CHD9: variants seen among roughly 807,000 people sequenced by gnomAD.
CHD9 encodes chromodomain helicase DNA binding protein 9, also known as ATP-dependent chromatin remodeler CHD9.
A neutral mutation model predicts 316.1 loss-of-function variants in CHD9; 77 were observed. The observed-to-expected ratio is 0.24, with a 90% CI of 0.20 to 0.29. The LOEUF (loss-of-function observed/expected upper bound fraction) is 0.29, where lower values mean the gene tolerates loss of function less well. CHD9 is among the 10% of genes least tolerant of loss of function. The pLI is 1.00. For missense variants in CHD9, 2,763 were observed against 3,438.1 expected, an observed-to-expected ratio of 0.80 and a Z score of 4.91; for synonymous variants, 1,129 against 1,158.3, an observed-to-expected ratio of 0.97 and a Z score of 0.51.
intron 1 of CHD9, among the ~76,000 whole-genome samples, chr16:53,153,479 C>G (rs1171486897): frequency 6.6e-6 from 1 of 152,120 alleles, no homozygotes; most frequent in Non-Finnish European, 1.5e-5. Context: ...CATTTTCCAA[C>G]TTAAATGTAA....
intron 35 of CHD9, 73 bp from the exon 36 acceptor site, chr16:53,314,750 T>C: frequency 1.6e-6 from 2 of 1,258,918 alleles, no homozygotes; most frequent in Non-Finnish European, 2.2e-6. Flanking sequence ...TCTTCAAAAA[T>C]AATTGCTTTA....
In CHD9 at chr16:53,254,487, A is replaced by G; in HGVS notation, c.3911A>G (p.Tyr1304Cys). The G allele has an allele frequency of 6.2e-7, 1 of 1,613,042 alleles. No homozygotes were observed. The highest frequency in any genetic ancestry group is 8.5e-7 in the Non-Finnish European group (1 of 1,179,338). Residue 1304 changes from tyrosine to cysteine, a missense_variant, in exon 18 of 39, where the codon TAC (tyrosine) becomes TGC (cysteine). Physicochemically the swap from Tyr to Cys is radical, Grantham distance 194. Around this residue, in one of 15 missense-constraint regions of CHD9, gnomAD observed 199 missense variants for 251.7 expected, o/e 0.79. Transcript: ENST00000447540. Reference sequence around the variant, plus strand: ...GGTCAGAACAAAGCAGTTAAAGTCTACAGACTGGTAACTCGTAACTCATAT... The same window carrying G: ...GGTCAGAACAAAGCAGTTAAAGTCTGCAGACTGGTAACTCGTAACTCATAT... ...RIGQNKAVKV[Y>C]RLVTRNSYER...
intron 1 of CHD9, among the ~76,000 whole-genome samples, chr16:53,066,620 G>A (rs1336113228): frequency 1.3e-5 from 2 of 152,114 alleles, no homozygotes; most frequent in Non-Finnish European, 2.9e-5. Flanking sequence ...TCTAATGAGA[G>A]AGGCACCATA....
At chr16:53,113,871 T>C (rs2038064630) in intron 1 of CHD9, among the ~76,000 whole-genome samples, 1 of 151,968 alleles carries the variant, frequency 6.6e-6, no homozygotes, top group Non-Finnish European at 1.5e-5. Flanking sequence ...CGCCTGGCTA[T>C]GTATGTATGT....
intron 1 of CHD9, among the ~76,000 whole-genome samples, chr16:53,105,021 A>G (rs2037211412): frequency 6.6e-6 from 1 of 151,822 alleles, no homozygotes; most frequent in Non-Finnish European, 1.5e-5. Flanking sequence ...AACACAAAAA[A>G]CTGTAGAGAT....
At chr16:53,315,667 C>T (rs1176510344) in intron 36 of CHD9, among the ~76,000 whole-genome samples, 1 of 152,074 alleles carries the variant, frequency 6.6e-6, no homozygotes, top group Admixed American at 6.6e-5. Flanking sequence ...TTCATAGAAA[C>T]AGGGTTTCAC....
At chr16:53,279,380 A>T (rs1442160256) in intron 24 of CHD9, among the ~76,000 whole-genome samples, 3 of 151,914 alleles carry the variant, frequency 2.0e-5, no homozygotes, top group Admixed American at 6.6e-5. Flanking sequence ...GGTAAGGGGG[A>T]GGGATAGCAT....
At chr16:53,161,116 T>C (rs551439613) in intron 2 of CHD9, among the ~76,000 whole-genome samples, 4 of 152,186 alleles carry the variant, frequency 2.6e-5, no homozygotes, top group Admixed American at 2.0e-4. Flanking sequence ...AAAAAAACAC[T>C]CTGTTCTCAA....
intron 32 of CHD9, among the ~76,000 whole-genome samples, chr16:53,306,897 A>G (rs1329616199): frequency 6.6e-6 from 1 of 152,032 alleles, no homozygotes; most frequent in Non-Finnish European, 1.5e-5. Flanking sequence ...CACCTGCCTC[A>G]GCCTCCCAAG....
chr16:53,110,739 G>A (rs987938449), intron 1 of CHD9, among the ~76,000 whole-genome samples: 8 of 152,206 alleles, frequency 5.3e-5, no homozygotes, highest in African/African-American at 1.9e-4. Context: ...TCCAGCCTGG[G>A]TGATGGTGAG....
intron 1 of CHD9, among the ~76,000 whole-genome samples, chr16:53,084,478 C>T (rs2035291338): frequency 6.6e-6 from 1 of 152,202 alleles, no homozygotes; most frequent in African/African-American, 2.4e-5. Context: ...GGTGCGGTGG[C>T]TCATGCCTAT....
At chr16:53,055,701 T>C (rs1411687048) in intron 1 of CHD9, among the ~76,000 whole-genome samples, 1 of 152,160 alleles carries the variant, frequency 6.6e-6, no homozygotes, top group Non-Finnish European at 1.5e-5. Flanking sequence ...GCCCTCCTCC[T>C]CCTTTCTCAT....
chr16:53,297,588 GGCCA>G (rs1248657851), intron 30 of CHD9, among the ~76,000 whole-genome samples: 1 of 152,132 alleles, frequency 6.6e-6, no homozygotes, highest in African/African-American at 2.4e-5. Flanking sequence ...GATCTCCCAG[GGCCA>G]TCTTCACAAA....
intron 10 of CHD9, among the ~76,000 whole-genome samples, chr16:53,234,392 C>T (rs1051007912): frequency 4.6e-5 from 7 of 152,108 alleles, no homozygotes; most frequent in Non-Finnish European, 8.8e-5. Context: ...CAGAGGACAT[C>T]CTTGCCTTAT....
intron 28 of CHD9, among the ~76,000 whole-genome samples, chr16:53,292,306 G>A (rs1443864246): frequency 6.6e-6 from 1 of 152,158 alleles, no homozygotes; most frequent in Non-Finnish European, 1.5e-5. Context: ...CTTGATTATG[G>A]TATAGATAAT....
chr16:53,297,072 A>G lies in CHD9; in HGVS notation c.5627A>G (p.His1876Arg). 6.2e-7 allele frequency: 1 copy of G among 1,613,944 alleles called. No homozygotes were observed. ...AAATTTAGAGCTATGGCTAGGCTAC[A>G]TAAGAAAACTGATGATAGTTTGGAA... is the stretch of plus-strand genomic sequence containing the variant. ...WTKFRAMARLHKKTDDSLEKY... is the reference protein window; with the variant it reads ...WTKFRAMARLRKKTDDSLEKY... The change falls in exon 30 of 39, where the codon CAT (histidine) becomes CGT (arginine). Residue 1876 changes from histidine (H) to arginine (R), a missense_variant. Physicochemically the swap from His to Arg is conservative, Grantham distance 29 (BLOSUM62 0). Around this residue, in one of 15 missense-constraint regions of CHD9, gnomAD observed 183 missense variants for 258.5 expected, o/e 0.71. Coordinates refer to ENST00000447540, the MANE Select transcript of CHD9 (RefSeq NM_001308319.2).
chr16:53,321,452 G>A (rs1211747358), intron 37 of CHD9, 74 bp from the exon 38 acceptor site: 3 of 1,443,582 alleles, frequency 2.1e-6, no homozygotes, highest in Admixed American at 4.8e-5. Context: ...AAACTCTGTA[G>A]AGCATACAAT....
chr16:53,163,775 G>A (rs575546041), intron 2 of CHD9, among the ~76,000 whole-genome samples: 20 of 152,094 alleles, frequency 1.3e-4, no homozygotes, highest in South Asian at 4.1e-4. Flanking sequence ...TATTTTTATC[G>A]CATATATTAC....
rs149973205 is a variant in CHD9 at position 53,303,737 on chromosome 16, A to G, written c.5731A>G (p.Ile1911Val). 334 of 1,599,086 alleles carry G rather than the reference A, an allele frequency of 2.1e-4. 6 individuals carry two copies. The East Asian group carries it at 7.4e-3, about 35-fold the overall frequency. Residue 1911 changes from isoleucine to valine, a missense_variant, in exon 31 of 39, where the codon ATT (isoleucine) becomes GTT (valine). By Grantham distance (29) the Ile-to-Val change is conservative (BLOSUM62 3). This residue lies in a region of CHD9 where 663 missense variants were observed against 751.2 expected (regional missense o/e 0.88). Coordinates refer to ENST00000447540, the MANE Select transcript of CHD9 (RefSeq NM_001308319.2). ...PSKEELVDPNIFIQPITEERA... is the reference protein window; with the variant it reads ...PSKEELVDPNVFIQPITEERA... Reference sequence around the variant, plus strand: ...ATATGTAGAATTGGTGGATCCAAATATTTTTATCCAGCCCATCACAGAAGA... The same window carrying G: ...ATATGTAGAATTGGTGGATCCAAATGTTTTTATCCAGCCCATCACAGAAGA...
Sources: allele counts gnomAD v4.1 joint callset (sites outside exome capture counted in the v4.1 genomes callset), GRCh38; gene constraint gnomAD v4.1.1; regional missense constraint gnomAD v4.1.1; transcripts MANE v1.5; gene names NCBI Gene and HGNC (gene_info 2026-07-23, HGNC 2026-07-21).